The following CACNA2D4 variants were observed in gnomAD, a reference collection of about 807,000 sequenced individuals.
CACNA2D4 encodes the protein calcium voltage-gated channel auxiliary subunit alpha2delta 4, also known as voltage-dependent calcium channel subunit alpha-2/delta-4.
CACNA2D4 carries 157 observed loss-of-function variants against 163.8 expected under a neutral mutation model. That is an observed-to-expected ratio of 0.96 (90% CI 0.84 to 1.09). CACNA2D4 has a LOEUF of 1.09. CACNA2D4 is among the 50% of genes least tolerant of loss of function. The pLI is 0.00. For missense variants in CACNA2D4, 1,410 were observed against 1,479.9 expected, an observed-to-expected ratio of 0.95 and a Z score of 0.78; for synonymous variants, 598 against 586.9, an observed-to-expected ratio of 1.02 and a Z score of -0.27.
chr12:1,795,690 C>G lies in CACNA2D4; in HGVS notation c.3204G>C (p.Leu1068=). ...TCDCSIFPPV[L]QEATEVKYNA... is the part of the protein sequence containing the mutation. ...TATATTTGACTTCTGTCGCCTCCTG[C>G]AGCACTGGTGGGAAGATGCTGCAGT... The change falls in exon 36 of 38, where the codon CTG becomes CTC. Residue 1068 remains leucine (L), a synonymous_variant. Transcript: ENST00000382722. 1 of 1,612,380 alleles carries G rather than the reference C, an allele frequency of 6.2e-7. No individual in the cohort carries two copies. The highest frequency in any genetic ancestry group is 8.5e-7 in the Non-Finnish European group (1 of 1,178,574).
intron 26 of CACNA2D4, among the ~76,000 whole-genome samples, chr12:1,830,496 G>A (rs1864573126): frequency 6.6e-6 from 1 of 152,222 alleles, no homozygotes; most frequent in Non-Finnish European, 1.5e-5. Flanking sequence ...CAGTGACACT[G>A]GGAGAGGGCA....
At position 1,799,690 on chromosome 12, in the gene CACNA2D4, T is replaced by C. The variant is rs1009664945; in HGVS notation, c.2980A>G (p.Ser994Gly). 6.4e-7 allele frequency: 1 copy of C among 1,572,624 alleles called. No individual in the cohort carries two copies. Among genetic ancestry groups the C allele is most frequent in the Non-Finnish European group, 8.6e-7 (1 of 1,159,328 alleles). The change falls in exon 34 of 38, where the codon AGT (serine) becomes GGT (glycine). Residue 994 changes from serine to glycine, a missense_variant. Coordinates refer to ENST00000382722, the MANE Select transcript of CACNA2D4 (RefSeq NM_172364.5). The surrounding 1 kb of genome is among the most constrained non-coding windows in gnomAD (Gnocchi z 4.7). Reference protein sequence around the residue: ...SWYDRGAEAKSVFHHSHKHKK... With the variant: ...SWYDRGAEAKGVFHHSHKHKK... ...GGCTACTTACAGTGATGGAAGACAC[T>C]TTTGGCTGGCCGGAACATAAGCCCA...
rs1026844636 is a variant in CACNA2D4 at position 1,853,975 on chromosome 12, G to A, written c.2222C>T (p.Thr741Ile). 2 of 1,613,208 alleles carry A rather than the reference G, an allele frequency of 1.2e-6. No homozygotes were observed. The highest frequency in any genetic ancestry group is 1.7e-6 in the Non-Finnish European group (2 of 1,179,586). The change falls in exon 23 of 38, where the codon ACA becomes ATA. Residue 741 changes from threonine to isoleucine, a missense_variant. Thr to Ile is a moderately conservative substitution (Grantham distance 89, BLOSUM62 -1). Coordinates refer to ENST00000382722, the MANE Select transcript of CACNA2D4 (RefSeq NM_172364.5). ...CTCGGACATGTTGAGGGCCAGCGCT[G>A]TCCAGTAGGCTTCCATGGGGGCTGT... is the stretch of plus-strand genomic sequence containing the variant. The part of the protein sequence containing the change: ...VVTAPMEAYW[T>I]ALALNMSEES...
At chr12:1,810,470 GC>G in intron 28 of CACNA2D4, 72 bp downstream of exon 28, 1 of 1,288,658 alleles carries the variant, frequency 7.8e-7, no homozygotes. Context: ...GGAGAGGGAA[GC>G]TGGCCTGCCA....
intron 26 of CACNA2D4, among the ~76,000 whole-genome samples, chr12:1,821,084 C>T (rs757607041): frequency 1.2e-4 from 19 of 152,152 alleles, no homozygotes; most frequent in Non-Finnish European, 1.9e-4. Flanking sequence ...GCAGCGCTGG[C>T]GCCAGATGAC....
intron 26 of CACNA2D4, among the ~76,000 whole-genome samples, chr12:1,818,480 T>C (rs1331124858): frequency 6.6e-6 from 1 of 151,992 alleles, no homozygotes; most frequent in East Asian, 1.9e-4. Flanking sequence ...CTCCCAACCC[T>C]GTGCTCACTG....
intron 31 of CACNA2D4, 60 bp from the exon 32 acceptor site, chr12:1,800,498 C>CG: frequency 6.5e-7 from 1 of 1,537,946 alleles, no homozygotes; most frequent in Non-Finnish European, 9.0e-7. Context: ...GTGCCCCCCC[C>CG]CCACCACCAG....
At chr12:1,812,692 C>G (rs1189556343) in intron 26 of CACNA2D4, among the ~76,000 whole-genome samples, 1 of 152,208 alleles carries the variant, frequency 6.6e-6, no homozygotes, top group Admixed American at 6.5e-5. Flanking sequence ...AGTCACATGG[C>G]TTGCCCAAGT....
At chr12:1,901,802 A>G (rs776435295) in intron 6 of CACNA2D4, among the ~76,000 whole-genome samples, 1 of 152,128 alleles carries the variant, frequency 6.6e-6, no homozygotes, top group Non-Finnish European at 1.5e-5. Flanking sequence ...TCCTACTCAA[A>G]CTATTATGAA....
At chr12:1,819,964 C>T (rs1864026037) in intron 26 of CACNA2D4, among the ~76,000 whole-genome samples, 1 of 152,240 alleles carries the variant, frequency 6.6e-6, no homozygotes, top group African/African-American at 2.4e-5. Flanking sequence ...CATGTGATCC[C>T]TGGCTTTGTG....
At chr12:1,864,604 G>C (rs1234696095) in intron 18 of CACNA2D4, among the ~76,000 whole-genome samples, 5 of 152,226 alleles carry the variant, frequency 3.3e-5, no homozygotes, top group Admixed American at 3.3e-4. Flanking sequence ...CTGCCGACAA[G>C]GTGGGCGATG....
At position 1,800,418 on chromosome 12, in the gene CACNA2D4, C is replaced by T. The variant is rs377704021; in HGVS notation, c.2889G>A (p.Thr963=). The part of the protein sequence containing the change: ...PLVSPISAFL[T]ATRWLLQELV... ...GCTCCTGCAGCAGCCACCTGGTCGC[C>T]GTCAAGAAGGCAGAAATTGGCTGGG... The change falls in exon 32 of 38, where the codon ACG becomes ACA. Residue 963 remains threonine, a synonymous_variant. Coordinates refer to ENST00000382722, the MANE Select transcript of CACNA2D4 (RefSeq NM_172364.5). The T allele has an allele frequency of 1.7e-4, 276 of 1,613,822 alleles. No individual in the cohort carries two copies. Among genetic ancestry groups the T allele is most frequent in the Non-Finnish European group, 1.8e-4 (212 of 1,179,868 alleles).
chr12:1,804,235 A>C (rs1863442555), intron 29 of CACNA2D4, among the ~76,000 whole-genome samples: 1 of 151,864 alleles, frequency 6.6e-6, no homozygotes, highest in African/African-American at 2.4e-5. Context: ...CCACAGCACC[A>C]CACCATGTCC....
At chr12:1,805,186 C>T (rs964452845) in intron 29 of CACNA2D4, among the ~76,000 whole-genome samples, 7 of 152,154 alleles carry the variant, frequency 4.6e-5, no homozygotes, top group Non-Finnish European at 1.0e-4. Context: ...GAGGACCCCC[C>T]CTGCCTGGCC....
chr12:1,831,285 C>A (rs781717955), intron 26 of CACNA2D4: 6 of 1,613,588 alleles, frequency 3.7e-6, no homozygotes. Context: ...GCGGCACTCG[C>A]CGCTGCTCCG....
Position 1,875,385 on chromosome 12 carries a change from T to C in CACNA2D4, c.1720-48A>G. ...AAAAACATGTGGTCAGTATACGTCCTGCTCAAGTTTATCTCTTCTACAAAG... is the reference window on the plus strand; with the variant it reads ...AAAAACATGTGGTCAGTATACGTCCCGCTCAAGTTTATCTCTTCTACAAAG... On this transcript the variant is annotated intron_variant, in intron 16 of 37. Coordinates refer to ENST00000382722, the MANE Select transcript of CACNA2D4 (RefSeq NM_172364.5). The surrounding 1 kb of genome is among the most constrained non-coding windows in gnomAD (Gnocchi z 4.0). The C allele has an allele frequency of 8.5e-7, 1 of 1,179,752 alleles. No individual in the cohort carries two copies. Among genetic ancestry groups the C allele is most frequent in the Non-Finnish European group, 1.3e-6 (1 of 785,386 alleles). 73.1% of individuals were successfully genotyped at this position (1,179,752 alleles called of 1,614,324 possible).
At chr12:1,870,293 T>C (rs1459505363) in intron 18 of CACNA2D4, among the ~76,000 whole-genome samples, 1 of 152,144 alleles carries the variant, frequency 6.6e-6, no homozygotes, top group East Asian at 1.9e-4. Context: ...CCTCGAGGCT[T>C]CCCTGTGTCT....
At chr12:1,862,566 C>T (rs1037026352) in intron 18 of CACNA2D4, among the ~76,000 whole-genome samples, 2 of 152,140 alleles carry the variant, frequency 1.3e-5, no homozygotes, top group Non-Finnish European at 2.9e-5. Flanking sequence ...GCACACACCA[C>T]CATGCCCAGC....
In CACNA2D4 at chr12:1,792,456, G is replaced by C. The variant is rs1863003316; in HGVS notation, c.*1199C>G. The C allele has an allele frequency of 6.6e-6, 1 of 152,292 alleles. No individual in the cohort carries two copies. The highest frequency in any genetic ancestry group is 2.4e-5 in the African/African-American group (1 of 41,460). The allele number at this position is 152,292 out of a possible 1,614,324, so 9.4% of individuals were successfully genotyped here. On this transcript the variant is annotated 3_prime_UTR_variant, in exon 38 of 38. Transcript: ENST00000382722. ...AGGCTGAGGGTGATGGAGGAGCGGGGGGAAGCGCCCCAAAAGCCCTGCATG... is the reference window on the plus strand; with the variant it reads ...AGGCTGAGGGTGATGGAGGAGCGGGCGGAAGCGCCCCAAAAGCCCTGCATG...
Sources: gnomAD v4.1 joint callset for allele counts (sites outside exome capture counted in the v4.1 genomes callset) on GRCh38, gnomAD v4.1.1 for gene constraint, Gnocchi (gnomAD v3.1) non-coding constraint, MANE v1.5 for transcripts, NCBI Gene and HGNC (gene_info 2026-07-23, HGNC 2026-07-21) for gene names.